Variants in ABCA13 observed in about 807,000 individuals in gnomAD.
ABCA13 encodes the protein ATP-binding cassette sub-family A member 13.
A neutral mutation model predicts 478.7 loss-of-function variants in ABCA13; 476 were observed. The ratio of observed to expected loss-of-function variants is 0.99; its 90% CI spans 0.92 to 1.07. The LOEUF is 1.07. ABCA13 is among the 50% of genes least tolerant of loss of function. ABCA13 has a pLI of 0.00. For missense variants in ABCA13, 6,060 were observed against 5,910.6 expected (o/e 1.03, Z -0.83); for synonymous variants, 2,252 against 2,158.9 (o/e 1.04, Z -1.20).
At chr7:48,572,378 G>A (rs1306305474) in intron 55 of ABCA13, among the ~76,000 whole-genome samples, 3 of 152,026 alleles carry the variant, frequency 2.0e-5, no homozygotes, top group South Asian at 2.1e-4. Context: ...GAGTACAGCA[G>A]CATGATCATA....
chr7:48,496,540 T>C (rs1830294980), intron 48 of ABCA13, among the ~76,000 whole-genome samples: 1 of 152,156 alleles, frequency 6.6e-6, no homozygotes, highest in African/African-American at 2.4e-5. Flanking sequence ...TGTTCATCTT[T>C]CCTTTTGTAA....
Position 48,273,219 on chromosome 7 carries a change from G to A in ABCA13, c.3553G>A (p.Glu1185Lys), listed in dbSNP as rs1178882282. 3.2e-5 allele frequency: 51 copies of A among 1,613,500 alleles called. No individual in the cohort carries two copies. Among genetic ancestry groups the A allele is most frequent in the Non-Finnish European group, 4.2e-5 (50 of 1,179,732 alleles). ...LHHGFTQLLD[E>K]LEDDVKVSKS... Reference sequence around the variant, plus strand: ...TCATGGTTTCACTCAGCTTTTGGATGAATTGGAAGATGATGTGAAAGTCTC... The same window carrying A: ...TCATGGTTTCACTCAGCTTTTGGATAAATTGGAAGATGATGTGAAAGTCTC... The change falls in exon 17 of 62, where the codon GAA (glutamate) becomes AAA (lysine). Residue 1185 changes from glutamate to lysine, a missense_variant. Glu to Lys is a moderately conservative substitution (Grantham distance 56). This residue lies in a region of ABCA13 where 4,423 missense variants were observed against 4,309.1 expected (regional missense o/e 1.03). Transcript: ENST00000435803.
chr7:48,186,583 A>T (rs1339201923), intron 1 of ABCA13, among the ~76,000 whole-genome samples: 1 of 151,964 alleles, frequency 6.6e-6, no homozygotes, highest in Non-Finnish European at 1.5e-5. Context: ...CATATTTTCT[A>T]AAAAAAATTT....
chr7:48,365,593 A>G (rs1181269679), intron 31 of ABCA13, among the ~76,000 whole-genome samples: 1 of 152,180 alleles, frequency 6.6e-6, no homozygotes, highest in East Asian at 1.9e-4. Flanking sequence ...TGATGTTTGT[A>G]TATGGCAAGA....
chr7:48,283,112 T>C (rs1797271131), intron 19 of ABCA13, among the ~76,000 whole-genome samples: 1 of 151,936 alleles, frequency 6.6e-6, no homozygotes, highest in African/African-American at 2.4e-5. Context: ...GGGGAGGATG[T>C]TGTAGAGAGG....
intron 55 of ABCA13, among the ~76,000 whole-genome samples, chr7:48,563,240 G>A (rs2131275261): frequency 6.6e-6 from 1 of 152,174 alleles, no homozygotes; most frequent in Admixed American, 6.5e-5. Flanking sequence ...GTAGATTTGT[G>A]TTACAGTGAG....
chr7:48,410,813 T>C, intron 40 of ABCA13, 136 bp downstream of exon 40: 7 of 1,283,840 alleles, frequency 5.5e-6, no homozygotes, highest in Non-Finnish European at 7.5e-6. Context: ...CCAAAATAAG[T>C]GGCCCCAGGC....
At chr7:48,362,139 T>A (rs1810949654) in intron 31 of ABCA13, among the ~76,000 whole-genome samples, 1 of 151,984 alleles carries the variant, frequency 6.6e-6, no homozygotes, top group African/African-American at 2.4e-5. Flanking sequence ...TGGTCTGTGT[T>A]ATTTTTGTTA....
chr7:48,272,109 G>T lies in ABCA13; in HGVS notation c.2443G>T (p.Glu815Ter). ...QTLGSHWIRK[E>*]PKNLLRFIEL... Reference sequence around the variant, plus strand: ...TCTCGGAAGTCACTGGATAAGGAAGGAACCAAAAAATCTTTTGAGATTCAT... The same window carrying T: ...TCTCGGAAGTCACTGGATAAGGAAGTAACCAAAAAATCTTTTGAGATTCAT... Residue 815 changes from glutamate (E) to a stop codon, truncating the protein, a stop_gained, in exon 17 of 62, where the codon GAA (glutamate) becomes TAA (stop). Coordinates refer to ENST00000435803, the MANE Select transcript of ABCA13 (RefSeq NM_152701.5). LOFTEE classifies it high-confidence loss of function. 1 of 1,613,508 alleles carries T rather than the reference G, an allele frequency of 6.2e-7. No homozygotes were observed. Among genetic ancestry groups the T allele is most frequent in the South Asian group, 1.1e-5 (1 of 91,042 alleles).
In ABCA13 at chr7:48,467,210, G is replaced by T. The variant is rs551710389; in HGVS notation, c.12905+165G>T. Among the ~76,000 whole-genome samples, 15 of 152,162 alleles carry T rather than the reference G, an allele frequency of 9.9e-5. No individual in the cohort carries two copies. In the South Asian group the frequency reaches 3.1e-3, roughly 32 times the overall value. ...GGTTATTACTGAATGGGCCTTATGG[G>T]TATCACCATATAAAATGATCCGAAA... On this transcript the variant is annotated intron_variant, in intron 44 of 61. Transcript: ENST00000435803.
intron 6 of ABCA13, among the ~76,000 whole-genome samples, chr7:48,228,396 C>G (rs1788559048): frequency 6.6e-6 from 1 of 152,178 alleles, no homozygotes; most frequent in South Asian, 2.1e-4. Flanking sequence ...TCTGGCCCCT[C>G]CTTCTGAGGG....
At position 48,265,183 on chromosome 7, in the gene ABCA13, C is replaced by T. The variant is rs550546348; in HGVS notation, c.2006-3797C>T. 2.0e-5 allele frequency among the ~76,000 whole-genome samples: 3 copies of T among 151,728 alleles called. No individual in the cohort carries two copies. The South Asian group carries it at 6.2e-4, about 31-fold the overall frequency. The stretch of plus-strand genomic sequence containing the variant: ...TACCAAAATTAACTATCTTGGTTAT[C>T]ATAGCTTTACAGTAAAACTTAAATT... On this transcript the variant is annotated intron_variant, in intron 15 of 61. Transcript: ENST00000435803.
intron 45 of ABCA13, 79 bp from the exon 46 acceptor site, chr7:48,480,957 T>G: frequency 1.2e-6 from 1 of 855,302 alleles, no homozygotes; most frequent in Non-Finnish European, 1.9e-6. Context: ...AACAATCACA[T>G]GTAGTTTCAA....
rs545079614 is a variant in ABCA13, at chr7:48,567,151, A to G, written c.14355-13073A>G. Reference sequence around the variant, plus strand: ...ATTATGAAGTCATGCCCTTAGTTTAAAAATATAATCTAAGTAATTAAAAAT... The same window carrying G: ...ATTATGAAGTCATGCCCTTAGTTTAGAAATATAATCTAAGTAATTAAAAAT... On this transcript the variant is annotated intron_variant, in intron 55 of 61. Transcript: ENST00000435803. Among the ~76,000 whole-genome samples the G allele has an allele frequency of 3.3e-5, 5 of 152,286 alleles. 1 individual carries two copies. Among genetic ancestry groups the G allele is most frequent in the Admixed American group, 3.3e-4 (5 of 15,278 alleles).
intron 27 of ABCA13, among the ~76,000 whole-genome samples, chr7:48,319,802 A>C (rs1803155776): frequency 6.6e-6 from 1 of 152,170 alleles, no homozygotes; most frequent in Non-Finnish European, 1.5e-5. Context: ...TTCTCTTTGA[A>C]GGACTCTTCT....
At chr7:48,415,914 T>C (rs55655908) in intron 41 of ABCA13, among the ~76,000 whole-genome samples, 26,599 of 152,058 alleles carry the variant, frequency 0.17, 2,612 homozygotes, top group East Asian at 0.25. Flanking sequence ...CAGTATTCTT[T>C]TTAGTAATTC....
intron 1 of ABCA13, among the ~76,000 whole-genome samples, chr7:48,175,786 T>G (rs1794776881): frequency 6.6e-6 from 1 of 152,184 alleles, no homozygotes; most frequent in South Asian, 2.1e-4. Flanking sequence ...AACTCATTCC[T>G]CCTATCTAGC....
chr7:48,179,823 G>A lies in ABCA13; in HGVS notation c.69+8271G>A, dbSNP rs554437053. 4.2e-4 allele frequency among the ~76,000 whole-genome samples: 64 copies of A among 152,308 alleles called. No individual in the cohort carries two copies. The South Asian group carries it at 0.013, about 31-fold the overall frequency. On this transcript the variant is annotated intron_variant, in intron 1 of 61. Coordinates refer to ENST00000435803, the MANE Select transcript of ABCA13 (RefSeq NM_152701.5). ...TCCTTCTTCATTTTGTCACATCAGCGGAGCCAGATGGTGTCAGAGTATGCT... is the reference window on the plus strand; with the variant it reads ...TCCTTCTTCATTTTGTCACATCAGCAGAGCCAGATGGTGTCAGAGTATGCT...
intron 53 of ABCA13, among the ~76,000 whole-genome samples, chr7:48,520,503 A>C (rs548515388): frequency 2.8e-4 from 42 of 152,340 alleles, no homozygotes; most frequent in African/African-American, 1.0e-3. Context: ...TAAGGTGACA[A>C]ACTGTGAGAT....
Sources: allele counts gnomAD v4.1 joint callset (sites outside exome capture counted in the v4.1 genomes callset), GRCh38; gene constraint gnomAD v4.1.1; regional missense constraint gnomAD v4.1.1; transcripts MANE v1.5; gene names NCBI Gene and HGNC (gene_info 2026-07-23, HGNC 2026-07-21).